Variants in ADAMTSL1 observed in about 807,000 individuals in gnomAD.
ADAMTSL1 encodes the protein ADAMTS-like protein 1.
In ADAMTSL1, 126 loss-of-function variants were observed where a neutral mutation model predicts 201.8. That is an observed-to-expected ratio of 0.62 (90% CI 0.54 to 0.72). The LOEUF (loss-of-function observed/expected upper bound fraction) is 0.72. Among genes scored for constraint, ADAMTSL1 ranks in the 30% least tolerant of loss-of-function variants. ADAMTSL1 has a pLI of 0.00. For missense variants in ADAMTSL1, 2,679 were observed against 2,277.8 expected (o/e 1.18, Z -3.59); for synonymous variants, 1,121 against 903.4 (o/e 1.24, Z -4.32).
At chr9:18,274,198 C>T (rs1277412454) in intron 2 of ADAMTSL1, among the ~76,000 whole-genome samples, 1 of 152,180 alleles carries the variant, frequency 6.6e-6, no homozygotes, top group Admixed American at 6.5e-5. Flanking sequence ...GAAGAAAGCT[C>T]GAATCTTTAT....
At chr9:18,292,251 G>A (rs1833302798) in intron 2 of ADAMTSL1, among the ~76,000 whole-genome samples, 1 of 152,076 alleles carries the variant, frequency 6.6e-6, no homozygotes, top group Non-Finnish European at 1.5e-5. Context: ...ACAAAGTCCA[G>A]ATGATGGGCC....
chr9:18,714,803 A>G (rs1832819338), intron 14 of ADAMTSL1, among the ~76,000 whole-genome samples: 1 of 151,866 alleles, frequency 6.6e-6, no homozygotes, highest in Non-Finnish European at 1.5e-5. Flanking sequence ...CAAAAGAGAG[A>G]ATTTTAGACC....
At chr9:18,155,394 G>A (rs1827109221) in intron 1 of ADAMTSL1, among the ~76,000 whole-genome samples, 1 of 151,994 alleles carries the variant, frequency 6.6e-6, no homozygotes. Flanking sequence ...TGATGATGGA[G>A]ATAAAGTCAG....
At chr9:18,723,420 A>G (rs1422904702) in intron 15 of ADAMTSL1, 1 of 350,584 alleles carries the variant, frequency 2.9e-6, no homozygotes, top group African/African-American at 2.1e-5. Flanking sequence ...AACTGCTGGG[A>G]CTCGTGGTCC....
intron 2 of ADAMTSL1, among the ~76,000 whole-genome samples, chr9:18,267,770 A>AAAAC (rs1554647403): frequency 1.2e-4 from 17 of 146,804 alleles, no homozygotes; most frequent in Admixed American, 3.4e-4. Flanking sequence ...ATTAAAAAAA[A>AAAAC]AAAACAAAAA....
At chr9:18,581,748 G>T (rs544394043) in intron 4 of ADAMTSL1, among the ~76,000 whole-genome samples, 3 of 152,184 alleles carry the variant, frequency 2.0e-5, no homozygotes, top group Non-Finnish European at 4.4e-5. Context: ...AGGGATCATA[G>T]GTCCTAAGCA....
At chr9:18,699,194 C>T (rs1684581817) in intron 13 of ADAMTSL1, among the ~76,000 whole-genome samples, 1 of 152,176 alleles carries the variant, frequency 6.6e-6, no homozygotes, top group Non-Finnish European at 1.5e-5. Context: ...GACATTCAGG[C>T]ATTCTTGCAG....
intron 15 of ADAMTSL1, among the ~76,000 whole-genome samples, chr9:18,744,192 C>T (rs1406822250): frequency 6.6e-6 from 1 of 152,238 alleles, no homozygotes; most frequent in African/African-American, 2.4e-5. Flanking sequence ...GTTTTCTGAA[C>T]TCTTGCAGTC....
At chr9:18,547,324 T>C (rs1282252266) in intron 3 of ADAMTSL1, among the ~76,000 whole-genome samples, 1 of 152,022 alleles carries the variant, frequency 6.6e-6, no homozygotes, top group African/African-American at 2.4e-5. Context: ...TCCTCTCCTT[T>C]CCAAGCAAGC....
At chr9:18,506,283 C>T (rs965828783) in intron 2 of ADAMTSL1, among the ~76,000 whole-genome samples, 1 of 152,184 alleles carries the variant, frequency 6.6e-6, no homozygotes, top group African/African-American at 2.4e-5. Flanking sequence ...TGTATGCTGC[C>T]ACACGGTGAT....
chr9:18,691,338 A>G (rs935319879), intron 13 of ADAMTSL1, among the ~76,000 whole-genome samples: 14 of 152,226 alleles, frequency 9.2e-5, no homozygotes, highest in African/African-American at 3.4e-4. Flanking sequence ...GAATGTTGAT[A>G]TGAACCGATG....
At chr9:18,338,700 A>T (rs1333924570) in intron 2 of ADAMTSL1, among the ~76,000 whole-genome samples, 1 of 152,110 alleles carries the variant, frequency 6.6e-6, no homozygotes, top group Non-Finnish European at 1.5e-5. Flanking sequence ...CAGGAGCTTG[A>T]TGTACAGATT....
At chr9:18,886,761 T>C (rs771690168) in intron 23 of ADAMTSL1, among the ~76,000 whole-genome samples, 3 of 152,226 alleles carry the variant, frequency 2.0e-5, no homozygotes, top group Non-Finnish European at 2.9e-5. Context: ...CCCCACCCTC[T>C]GATACCATCA....
chr9:18,397,987 G>A (rs974374793), intron 2 of ADAMTSL1, among the ~76,000 whole-genome samples: 1 of 152,144 alleles, frequency 6.6e-6, no homozygotes, highest in South Asian at 2.1e-4. Flanking sequence ...GACCCCAGGA[G>A]CAGTACAGTA....
chr9:18,742,795 T>A (rs1818915827), intron 15 of ADAMTSL1, among the ~76,000 whole-genome samples: 1 of 152,136 alleles, frequency 6.6e-6, no homozygotes, highest in African/African-American at 2.4e-5. Flanking sequence ...AATGTGAAGA[T>A]GCTAATCAGT....
chr9:18,090,870 C>CT lies in ADAMTSL1; in HGVS notation c.88-72986dup, dbSNP rs151140675. On this transcript the variant is annotated intron_variant, in intron 1 of 29. Coordinates refer to the ADAMTSL1 transcript ENST00000680146. ...CTTCCTCCCCCTGGCGTTTTCCTTG[C>CT]TTTTTTCTGGTGGTTTTCTTGTTCC... Among the ~76,000 whole-genome samples, 700 of 151,710 alleles carry CT rather than the reference C, an allele frequency of 4.6e-3. 5 individuals carry two copies. Among genetic ancestry groups the CT allele is most frequent in the African/African-American group, 0.016 (658 of 41,394 alleles).
chr9:18,169,045 G>A (rs1348880344), intron 2 of ADAMTSL1, among the ~76,000 whole-genome samples: 81 of 120,864 alleles, frequency 6.7e-4, no homozygotes, highest in Middle Eastern at 4.0e-3. Context: ...AGATGAGTAG[G>A]TTGCAAAACT....
At chr9:18,039,367 A>T (rs1821340303) in intron 1 of ADAMTSL1, among the ~76,000 whole-genome samples, 1 of 152,166 alleles carries the variant, frequency 6.6e-6, no homozygotes, top group South Asian at 2.1e-4. Context: ...CTTCTCAGTG[A>T]CGGATAATGC....
At chr9:18,502,172 A>T (rs562076368) in intron 1 of ADAMTSL1, among the ~76,000 whole-genome samples, 1 of 152,118 alleles carries the variant, frequency 6.6e-6, no homozygotes, top group Non-Finnish European at 1.5e-5. Flanking sequence ...GATTTTCTTT[A>T]GTTTTGTTTT....
Sources: gnomAD v4.1 joint callset for allele counts (sites outside exome capture counted in the v4.1 genomes callset) on GRCh38, gnomAD v4.1.1 for gene constraint, MANE v1.5 for transcripts, NCBI Gene and HGNC (gene_info 2026-07-23, HGNC 2026-07-21) for gene names.